Variants in C1orf185 observed in about 807,000 individuals in gnomAD.
C1orf185 encodes chromosome 1 open reading frame 185, also known as uncharacterized protein C1orf185.
Under a neutral mutation model 16.1 loss-of-function variants are expected in C1orf185, and 13 were observed. The observed-to-expected ratio is 0.81, with a 90% CI of 0.53 to 1.28. The LOEUF is 1.28. Among genes scored for constraint, C1orf185 ranks in the 50% most tolerant of loss-of-function variants. The pLI, the probability that C1orf185 is intolerant of heterozygous loss-of-function variation, is 0.00. For synonymous variants in C1orf185, 80 were observed against 76.9 expected (o/e 1.04, Z -0.21); for missense variants, 220 against 225.2 (o/e 0.98, Z 0.15).
intron 3 of C1orf185, among the ~76,000 whole-genome samples, chr1:51,126,559 C>T (rs539849769): frequency 2.6e-5 from 4 of 152,196 alleles, no homozygotes; most frequent in South Asian, 4.1e-4. Flanking sequence ...GCACCCAACT[C>T]GTATTACTGA....
intron 3 of C1orf185, among the ~76,000 whole-genome samples, chr1:51,128,948 A>T (rs1306951608): frequency 1.3e-5 from 2 of 151,958 alleles, no homozygotes; most frequent in Non-Finnish European, 2.9e-5. Context: ...GCAGTGGCAC[A>T]ATCTTGGCTC....
At chr1:51,105,272 C>G (rs1280602594) in intron 1 of C1orf185, among the ~76,000 whole-genome samples, 3 of 151,886 alleles carry the variant, frequency 2.0e-5, no homozygotes, top group African/African-American at 4.8e-5. Flanking sequence ...CCACCTGTTA[C>G]TTATCTTTGA....
intron 2 of C1orf185, 59 bp downstream of exon 2, chr1:51,112,628 C>G: frequency 1.3e-5 from 18 of 1,387,682 alleles, no homozygotes; most frequent in Non-Finnish European, 1.7e-5. Flanking sequence ...CAATAAAGGA[C>G]TTTTTCAAAT....
intron 4 of C1orf185, among the ~76,000 whole-genome samples, chr1:51,147,004 T>C (rs1646404948): frequency 6.6e-6 from 1 of 152,150 alleles, no homozygotes; most frequent in African/African-American, 2.4e-5. Flanking sequence ...AAGTAGAAAC[T>C]ATGTATATTA....
At chr1:51,109,417 T>A (rs1646099255) in intron 1 of C1orf185, among the ~76,000 whole-genome samples, 1 of 152,216 alleles carries the variant, frequency 6.6e-6, no homozygotes, top group Non-Finnish European at 1.5e-5. Flanking sequence ...TTTAGTCTGA[T>A]ATAATCTCAT....
Position 51,111,370 on chromosome 1 carries a change from C to CTT in C1orf185, c.17-1092_17-1091dup, listed in dbSNP as rs35232347. Among the ~76,000 whole-genome samples the CTT allele has an allele frequency of 1.6e-3, 178 of 114,404 alleles. 5 individuals carry two copies. The highest frequency in any genetic ancestry group is 2.1e-3 in the Non-Finnish European group (115 of 55,494). 75.1% of individuals were successfully genotyped at this position (114,404 alleles called of 152,430 possible). A position where few individuals can be genotyped will look rare whatever the true frequency, so the allele number is the denominator to read the frequency against. ...ATATTGCTTTCATTTAGCTTTCTTT[C>CTT]TTTCTTTTTTTTTTTTTTTGAGAGA... On this transcript the variant is annotated intron_variant, in intron 1 of 4. Transcript: ENST00000371759.
chr1:51,104,943 C>T (rs1255983137), intron 1 of C1orf185, among the ~76,000 whole-genome samples: 5 of 151,862 alleles, frequency 3.3e-5, no homozygotes, highest in South Asian at 4.2e-4. Flanking sequence ...GCTCCATAAT[C>T]GTGTGTTACT....
At chr1:51,136,007 C>T (rs528202784) in intron 3 of C1orf185, among the ~76,000 whole-genome samples, 6 of 152,162 alleles carry the variant, frequency 3.9e-5, no homozygotes, top group African/African-American at 1.4e-4. Flanking sequence ...TTCCTATACA[C>T]CAACAACAGT....
chr1:51,119,677 G>A (rs1646183509), intron 3 of C1orf185, among the ~76,000 whole-genome samples: 1 of 152,186 alleles, frequency 6.6e-6, no homozygotes, highest in African/African-American at 2.4e-5. Context: ...GCTCATGCCT[G>A]TAGTCCTAGT....
chr1:51,132,446 A>G (rs1284046975), intron 3 of C1orf185, among the ~76,000 whole-genome samples: 2 of 152,218 alleles, frequency 1.3e-5, no homozygotes, highest in Admixed American at 6.5e-5. Flanking sequence ...TCATAATGCA[A>G]TCACAAGTAT....
At chr1:51,138,695 A>T (rs184109064) in intron 3 of C1orf185, among the ~76,000 whole-genome samples, 537 of 124,132 alleles carry the variant, frequency 4.3e-3, no homozygotes, top group Middle Eastern at 7.4e-3. Context: ...CTGGCCCAGA[A>T]TTTTTTTTTT....
At chr1:51,119,292 C>T (rs1646180807) in intron 3 of C1orf185, among the ~76,000 whole-genome samples, 1 of 152,128 alleles carries the variant, frequency 6.6e-6, no homozygotes, top group Non-Finnish European at 1.5e-5. Flanking sequence ...AAGGCAGACA[C>T]CTAATTAAAT....
In C1orf185 at chr1:51,115,768, G is replaced by A. The variant is rs949632266; in HGVS notation, c.123-2898G>A. 3.3e-5 allele frequency among the ~76,000 whole-genome samples: 5 copies of A among 152,256 alleles called. 1 individual carries two copies. In the Middle Eastern group the frequency reaches 0.014, roughly 417 times the overall value. ...GAGTGAAAGCAGAGAGACAAGTCTG[G>A]AGACTATTGCAGAGTCAGGGTGAGA... On this transcript the variant is annotated intron_variant, in intron 2 of 4. Transcript: ENST00000371759.
At chr1:51,141,053 C>T (rs1174772859) in intron 3 of C1orf185, among the ~76,000 whole-genome samples, 1 of 152,106 alleles carries the variant, frequency 6.6e-6, no homozygotes, top group Non-Finnish European at 1.5e-5. Context: ...ATCAGACTCA[C>T]CCAAAGTAAA....
chr1:51,107,941 T>C (rs1021253932), intron 1 of C1orf185, among the ~76,000 whole-genome samples: 5 of 152,248 alleles, frequency 3.3e-5, no homozygotes, highest in African/African-American at 1.2e-4. Flanking sequence ...TGTCAAGTAG[T>C]GCTCCTATAA....
At chr1:51,131,675 C>T (rs1207290035) in intron 3 of C1orf185, among the ~76,000 whole-genome samples, 1 of 152,108 alleles carries the variant, frequency 6.6e-6, no homozygotes, top group East Asian at 1.9e-4. Flanking sequence ...TTAAGCTTAT[C>T]CATATTGCTT....
intron 3 of C1orf185, among the ~76,000 whole-genome samples, chr1:51,130,958 A>T (rs541094948): frequency 2.6e-5 from 4 of 152,110 alleles, no homozygotes; most frequent in Non-Finnish European, 5.9e-5. Flanking sequence ...GCTGGAGTGC[A>T]GCGGCGCTAT....
At chr1:51,121,312 G>C (rs1202326767) in intron 3 of C1orf185, among the ~76,000 whole-genome samples, 2 of 151,996 alleles carry the variant, frequency 1.3e-5, no homozygotes, top group Non-Finnish European at 2.9e-5. Flanking sequence ...CCATTCTACT[G>C]TCTGCTTCTA....
In C1orf185 at chr1:51,147,711, A is replaced by T. The variant is rs1646410599; in HGVS notation, c.540A>T (p.Ser180=). ...AACCTCTAATGGAAAAAGTATTTTC[A>T]TACCTGTCAACCATTTCATTAGAAG... is the stretch of plus-strand genomic sequence containing the variant. ...LGEPLMEKVF[S]YLSTISLEEG... is the part of the protein sequence containing the mutation. The change falls in exon 5 of 5, where the codon TCA becomes TCT. Residue 180 remains serine (S), a synonymous_variant. Transcript: ENST00000371759. The T allele has an allele frequency of 6.4e-7, 1 of 1,551,224 alleles. No individual in the cohort carries two copies. Among genetic ancestry groups the T allele is most frequent in the Admixed American group, 2.0e-5 (1 of 50,974 alleles).
Sources: allele counts gnomAD v4.1 joint callset (sites outside exome capture counted in the v4.1 genomes callset), GRCh38; gene constraint gnomAD v4.1.1; transcripts MANE v1.5; gene names NCBI Gene and HGNC (gene_info 2026-07-23, HGNC 2026-07-21).